The following DOCK4 variants were observed in gnomAD, a reference collection of about 807,000 sequenced individuals.
The protein encoded by DOCK4 is dedicator of cytokinesis protein 4.
A neutral mutation model predicts 268.1 loss-of-function variants in DOCK4; 97 were observed. The observed-to-expected ratio is 0.36, with a 90% CI of 0.31 to 0.43. The LOEUF is 0.43. Ranked by LOEUF, DOCK4 falls within the 20% of genes least tolerant of loss-of-function variation. DOCK4 has a pLI of 1.00. For synonymous variants in DOCK4, 954 were observed against 887.2 expected, an observed-to-expected ratio of 1.08 and a Z score of -1.34; for missense variants, 2,145 against 2,455.7, an observed-to-expected ratio of 0.87 and a Z score of 2.67.
At chr7:112,055,909 TAA>T (rs1230725517) in intron 1 of DOCK4, among the ~76,000 whole-genome samples, 1 of 123,662 alleles carries the variant, frequency 8.1e-6, no homozygotes, top group Admixed American at 8.2e-5. Context: ...AGATTCTGTC[TAA>T]AAAAAAAAAA....
Position 111,745,886 on chromosome 7 carries a change from C to T in DOCK4, c.4677+448G>A, listed in dbSNP as rs564439550. Among the ~76,000 whole-genome samples, 9 of 152,042 alleles carry T rather than the reference C, an allele frequency of 5.9e-5. No homozygotes were observed. In the East Asian group the frequency reaches 1.5e-3, roughly 26 times the overall value. Reference sequence around the variant, plus strand: ...GCCAACATCCCACAAGTGGAAAATTCCACACCCAACCTCACGTGATGGGTT... The same window carrying T: ...GCCAACATCCCACAAGTGGAAAATTTCACACCCAACCTCACGTGATGGGTT... On this transcript the variant is annotated intron_variant, in intron 44 of 52. Transcript: ENST00000428084.
At chr7:111,739,055 A>C in intron 49 of DOCK4, 79 bp downstream of exon 49, 2 of 1,216,130 alleles carry the variant, frequency 1.6e-6, no homozygotes, top group South Asian at 1.3e-5. Context: ...TTTGGCAGCT[A>C]CCGCGTGTTT....
chr7:111,902,254 C>A (rs1002865173), intron 13 of DOCK4, among the ~76,000 whole-genome samples: 1 of 152,100 alleles, frequency 6.6e-6, no homozygotes, highest in African/African-American at 2.4e-5. Context: ...CAACTTAAAT[C>A]TTTTCCAAAA....
chr7:112,141,614 A>T (rs1300238683), intron 1 of DOCK4, among the ~76,000 whole-genome samples: 2 of 152,170 alleles, frequency 1.3e-5, no homozygotes, highest in Non-Finnish European at 2.9e-5. Flanking sequence ...ACATACATAA[A>T]ATCTCCTACA....
intron 13 of DOCK4, among the ~76,000 whole-genome samples, chr7:111,907,481 T>C (rs1238707949): frequency 6.6e-6 from 1 of 152,052 alleles, no homozygotes; most frequent in Non-Finnish European, 1.5e-5. Flanking sequence ...GTGGGGACCG[T>C]AAGCTTCATA....
intron 23 of DOCK4, among the ~76,000 whole-genome samples, chr7:111,850,920 G>A (rs531247585): frequency 7.9e-5 from 12 of 152,230 alleles, no homozygotes; most frequent in South Asian, 2.1e-4. Flanking sequence ...TCACACGGAC[G>A]CGTGTAACAC....
chr7:112,001,979 T>C (rs1044264780), intron 2 of DOCK4, among the ~76,000 whole-genome samples: 1 of 152,200 alleles, frequency 6.6e-6, no homozygotes, highest in Non-Finnish European at 1.5e-5. Context: ...TTTTCAAGTG[T>C]AAAGACCATT....
chr7:112,072,611 C>T (rs767690595), intron 1 of DOCK4, among the ~76,000 whole-genome samples: 8 of 152,186 alleles, frequency 5.3e-5, no homozygotes, highest in Admixed American at 1.3e-4. Context: ...AGCCCCTCAC[C>T]TGGCCCCTGC....
Position 112,197,662 on chromosome 7 carries a change from C to T in DOCK4, c.37+8440G>A, listed in dbSNP as rs1389878108. On this transcript the variant is annotated intron_variant, in intron 1 of 52. Transcript: ENST00000428084. ...TTGTACCCATATTAATAAAATGCCTCGAGATGACTGCTGTTTGAAATTTGG... is the reference window on the plus strand; with the variant it reads ...TTGTACCCATATTAATAAAATGCCTTGAGATGACTGCTGTTTGAAATTTGG... 2.0e-5 allele frequency among the ~76,000 whole-genome samples: 3 copies of T among 152,124 alleles called. No homozygotes were observed. The South Asian group carries it at 6.2e-4, about 32-fold the overall frequency.
chr7:111,731,730 T>G (rs1192597970), intron 52 of DOCK4, among the ~76,000 whole-genome samples: 1 of 152,178 alleles, frequency 6.6e-6, no homozygotes, highest in Non-Finnish European at 1.5e-5. Flanking sequence ...CTAATGTAAA[T>G]GAGAAACTTG....
intron 8 of DOCK4, among the ~76,000 whole-genome samples, chr7:111,959,488 A>G (rs1796696236): frequency 6.6e-6 from 1 of 152,234 alleles, no homozygotes; most frequent in Non-Finnish European, 1.5e-5. Context: ...CATGCTATAC[A>G]TTTTAAATGA....
At chr7:111,884,512 T>C (rs912255092) in intron 16 of DOCK4, among the ~76,000 whole-genome samples, 1 of 152,194 alleles carries the variant, frequency 6.6e-6, no homozygotes. Flanking sequence ...AAATACTGCA[T>C]GGTAGGTATC....
chr7:112,077,126 C>CA (rs1554437144), intron 1 of DOCK4, among the ~76,000 whole-genome samples: 4,067 of 152,108 alleles, frequency 0.027, 199 homozygotes, highest in African/African-American at 0.093. Flanking sequence ...TACTGTCAGC[C>CA]AGTAGTCAGA....
At chr7:111,822,265 A>C (rs1417858610) in intron 27 of DOCK4, 97 bp downstream of exon 27, 6 of 1,072,230 alleles carry the variant, frequency 5.6e-6, no homozygotes, top group Non-Finnish European at 8.0e-6. Context: ...AGGCAAAAAA[A>C]AAACTGCAAA....
chr7:111,988,277 C>T (rs1445452505), intron 6 of DOCK4, among the ~76,000 whole-genome samples: 2 of 152,150 alleles, frequency 1.3e-5, no homozygotes, highest in African/African-American at 4.8e-5. Flanking sequence ...CTGCTTTAAA[C>T]CTAAACCTCA....
At chr7:111,778,002 C>G (rs1252236470) in intron 36 of DOCK4, among the ~76,000 whole-genome samples, 1 of 152,280 alleles carries the variant, frequency 6.6e-6, no homozygotes, top group East Asian at 1.9e-4. Context: ...AAAATCCTAA[C>G]TATAAGCAGA....
intron 16 of DOCK4, among the ~76,000 whole-genome samples, chr7:111,893,797 T>C (rs1449673986): frequency 6.6e-6 from 1 of 152,256 alleles, no homozygotes; most frequent in Admixed American, 6.5e-5. Context: ...GCTGTTTTGT[T>C]TGCCACTATT....
chr7:111,809,693 C>T (rs577701413), intron 28 of DOCK4, among the ~76,000 whole-genome samples: 5 of 152,272 alleles, frequency 3.3e-5, no homozygotes, highest in South Asian at 2.1e-4. Context: ...CCAGGTTTCA[C>T]GAGCTTTTTG....
chr7:111,769,668 T>C lies in DOCK4; in HGVS notation c.3689A>G (p.Tyr1230Cys), dbSNP rs200606456. Residue 1230 changes from tyrosine (Y) to cysteine (C), a missense_variant, in exon 37 of 53, where the codon TAT (tyrosine) becomes TGT (cysteine). Physicochemically the swap from Tyr to Cys is radical, Grantham distance 194. Around this residue, in one of 2 missense-constraint regions of DOCK4, gnomAD observed 1,598 missense variants for 1,986.7 expected, o/e 0.80. Coordinates refer to ENST00000428084, the MANE Select transcript of DOCK4 (RefSeq NM_001363540.2). ...LKAQNFTEAA[Y>C]TLLLYDELLE... is the part of the protein sequence containing the mutation. ...TAGCTCGTCATATAAGAGGAGGGTA[T>C]ATGCAGCTTCTGCAAGTCACGTGAG... The C allele has an allele frequency of 8.8e-5, 142 of 1,613,412 alleles. No individual in the cohort carries two copies. In the African/African-American group the frequency reaches 1.7e-3, roughly 19 times the overall value.
Sources: gnomAD v4.1 joint callset for allele counts (sites outside exome capture counted in the v4.1 genomes callset) on GRCh38, gnomAD v4.1.1 for gene constraint, gnomAD v4.1.1 regional missense constraint, MANE v1.5 for transcripts, NCBI Gene and HGNC (gene_info 2026-07-23, HGNC 2026-07-21) for gene names.